DPP6: variants seen among roughly 807,000 people sequenced by gnomAD.
DPP6 encodes A-type potassium channel modulatory protein DPP6.
DPP6 carries 69 observed loss-of-function variants against 122.6 expected under a neutral mutation model. The observed-to-expected ratio is 0.56, with a 90% CI of 0.46 to 0.69. The LOEUF (loss-of-function observed/expected upper bound fraction) is 0.69, where lower values mean the gene tolerates loss of function less well. Ranked by LOEUF, DPP6 falls within the 30% of genes least tolerant of loss-of-function variation. The pLI is 0.00. For missense variants in DPP6, 928 were observed against 1,116.9 expected (o/e 0.83, Z 2.41); for synonymous variants, 418 against 433.1 (o/e 0.97, Z 0.43).
the DPP6 span, among the ~76,000 whole-genome samples, chr7:153,750,079 C>G: frequency 1.3e-5 from 2 of 152,132 alleles, no homozygotes; most frequent in African/African-American, 2.4e-5. Context: ...ACTCCAAACA[C>G]TATCTACTTG....
intron 5 of DPP6, among the ~76,000 whole-genome samples, chr7:154,605,580 G>C (rs2130786669): frequency 8.5e-6 from 1 of 118,278 alleles, no homozygotes; most frequent in Non-Finnish European, 1.9e-5. Context: ...TGTCCTTATA[G>C]TGTTTGTCCC....
chr7:154,190,883 G>A (rs1224778518), intron 1 of DPP6, among the ~76,000 whole-genome samples: 5 of 152,152 alleles, frequency 3.3e-5, no homozygotes, highest in Non-Finnish European at 7.4e-5. Flanking sequence ...GCTTTGCCAT[G>A]TGCTCTTGTA....
intron 1 of DPP6, among the ~76,000 whole-genome samples, chr7:154,097,551 A>G (rs11762689): frequency 0.61 from 92,498 of 152,074 alleles, 27,971 homozygotes; most frequent in African/African-American, 0.71. Context: ...GAATTATTAC[A>G]TATTTAAAAT....
intron 1 of DPP6, among the ~76,000 whole-genome samples, chr7:154,169,763 C>G (rs73483569): frequency 0.19 from 28,903 of 152,040 alleles, 2,868 homozygotes; most frequent in East Asian, 0.34. Context: ...TGGAGTCTCA[C>G]TCTGTCACCC....
At chr7:154,582,798 C>A (rs954813344) in intron 5 of DPP6, among the ~76,000 whole-genome samples, 1 of 152,224 alleles carries the variant, frequency 6.6e-6, no homozygotes, top group Admixed American at 6.5e-5. Flanking sequence ...TCTGTCCCCT[C>A]CCCACTCACT....
intron 2 of DPP6, among the ~76,000 whole-genome samples, chr7:154,448,261 C>A (rs2151293077): frequency 6.6e-6 from 1 of 152,212 alleles, no homozygotes; most frequent in South Asian, 2.1e-4. Context: ...ATGCAAAAAT[C>A]ATTTGCATTT....
At chr7:153,852,575 A>G in the DPP6 span, among the ~76,000 whole-genome samples, 307 of 152,206 alleles carry the variant, frequency 2.0e-3, no homozygotes, top group Non-Finnish European at 3.2e-3. Context: ...CCCACCTCCA[A>G]CACTGGGGAT....
chr7:153,885,018 A>G (rs1201030625), upstream of DPP6, among the ~76,000 whole-genome samples: 3 of 136,364 alleles, frequency 2.2e-5, no homozygotes, highest in African/African-American at 2.8e-5. Context: ...ATATATATAT[A>G]TATGTTTGTC....
At position 153,916,534 on chromosome 7, in the gene DPP6, G is replaced by A. The variant is rs575740158; in HGVS notation, c.51+28800G>A. Among the ~76,000 whole-genome samples the A allele has an allele frequency of 7.3e-5, 11 of 151,522 alleles. 1 individual carries two copies. The South Asian group carries it at 2.1e-3, about 29-fold the overall frequency. On this transcript the variant is annotated intron_variant, in intron 1 of 25. Transcript: ENST00000404039. ...TCAAGCAATTCTGCCTCAGCCTCCC[G>A]AGTAGGTAGGATTACAGGTGCCCAC...
chr7:153,892,069 G>T (rs73494315), intron 1 of DPP6, among the ~76,000 whole-genome samples: 5,738 of 152,240 alleles, frequency 0.038, 337 homozygotes, highest in African/African-American at 0.13. Context: ...TGTATCTATG[G>T]CATGACGAGC....
At chr7:154,441,222 G>A (rs1223269488) in intron 1 of DPP6, among the ~76,000 whole-genome samples, 1 of 152,134 alleles carries the variant, frequency 6.6e-6, no homozygotes, top group Admixed American at 6.5e-5. Context: ...CAAGAAGTTG[G>A]AGGATCACAA....
In DPP6 at chr7:154,889,987, G is replaced by T. The variant is rs77800994; in HGVS notation, c.2451+457G>T. ...TACTACGCACTAGCAGGATGTCCTG[G>T]GGCCATCTGTAGCTAGGCAGTAGTG... is the stretch of plus-strand genomic sequence containing the variant. On this transcript the variant is annotated intron_variant, in intron 25 of 25. Coordinates refer to ENST00000377770, the MANE Select transcript of DPP6 (RefSeq NM_130797.4). The T allele has an allele frequency of 5.0e-3, 834 of 166,064 alleles. 4 individuals are homozygous for T. Among genetic ancestry groups the T allele is most frequent in the African/African-American group, 0.019 (780 of 41,848 alleles). The allele number at this position is 166,064 out of a possible 1,614,324, so 10.3% of individuals were successfully genotyped here.
chr7:154,319,998 T>A (rs1807791897), intron 1 of DPP6, among the ~76,000 whole-genome samples: 1 of 52,576 alleles, frequency 1.9e-5, no homozygotes, highest in Non-Finnish European at 3.4e-5. Context: ...CTCAAATATT[T>A]CAAATATATA....
intron 1 of DPP6, among the ~76,000 whole-genome samples, chr7:154,134,036 T>C (rs2150641844): frequency 6.6e-6 from 1 of 151,826 alleles, no homozygotes; most frequent in African/African-American, 2.4e-5. Context: ...AAAAGGCTAA[T>C]TTGGTTTTCC....
chr7:153,804,059 T>C, the DPP6 span, among the ~76,000 whole-genome samples: 6 of 151,812 alleles, frequency 4.0e-5, no homozygotes, highest in South Asian at 4.2e-4. Flanking sequence ...AGTACTTTTT[T>C]TTTTTTTTGA....
intron 3 of DPP6, among the ~76,000 whole-genome samples, chr7:154,516,105 C>A (rs185226788): frequency 1.3e-5 from 2 of 152,266 alleles, no homozygotes; most frequent in Middle Eastern, 3.4e-3. Flanking sequence ...GTGAACTTGA[C>A]AGAGTCTTCA....
At chr7:154,237,100 G>T (rs1389997490) in intron 1 of DPP6, among the ~76,000 whole-genome samples, 3 of 152,154 alleles carry the variant, frequency 2.0e-5, no homozygotes, top group Admixed American at 2.0e-4. Flanking sequence ...GTGAGGGAAG[G>T]CCCATACCTT....
rs397833637 is a variant in DPP6 at position 154,091,723 on chromosome 7, G to A, written c.243+38660G>A. 8.4e-4 allele frequency among the ~76,000 whole-genome samples: 128 copies of A among 152,162 alleles called. 1 individual carries two copies. Among genetic ancestry groups the A allele is most frequent in the African/African-American group, 2.9e-3 (119 of 41,470 alleles). On this transcript the variant is annotated intron_variant, in intron 1 of 25. Transcript: ENST00000377770. ...CACCTCCTCTTCCCCCCCTCACCACGTGGCCTCAGGAGATAGGGCGGTGTC... is the reference window on the plus strand; with the variant it reads ...CACCTCCTCTTCCCCCCCTCACCACATGGCCTCAGGAGATAGGGCGGTGTC...
chr7:154,507,408 G>A (rs752745279), intron 3 of DPP6, among the ~76,000 whole-genome samples: 5 of 152,094 alleles, frequency 3.3e-5, no homozygotes, highest in Non-Finnish European at 7.3e-5. Flanking sequence ...GCATGCATTA[G>A]GCATTTGTCC....
Sources: gnomAD v4.1 joint callset for allele counts (sites outside exome capture counted in the v4.1 genomes callset) on GRCh38, gnomAD v4.1.1 for gene constraint, MANE v1.5 for transcripts, NCBI Gene and HGNC (gene_info 2026-07-23, HGNC 2026-07-21) for gene names.